LCN8: variants seen among roughly 807,000 people sequenced by gnomAD.
LCN8 encodes epididymal-specific lipocalin-8.
LCN8 carries 16 observed loss-of-function variants against 22.8 expected under a neutral mutation model. The ratio of observed to expected loss-of-function variants is 0.70; its 90% CI spans 0.47 to 1.06. The LOEUF is 1.06. Among genes scored for constraint, LCN8 ranks in the 50% least tolerant of loss-of-function variants. LCN8 has a pLI of 0.00. For missense variants in LCN8, 189 were observed against 203.3 expected (o/e 0.93, Z 0.43); for synonymous variants, 92 against 83.4 (o/e 1.10, Z -0.56).
At chr9:136,756,801 C>A (rs1178083002) in intron 2 of LCN8, among the ~76,000 whole-genome samples, 1 of 152,238 alleles carries the variant, frequency 6.6e-6, no homozygotes, top group African/African-American at 2.4e-5. Flanking sequence ...GTCCCACACC[C>A]CTTTTCCTTC....
At chr9:136,756,431 G>C (rs1847202038) in intron 3 of LCN8, 91 bp downstream of exon 3, 1 of 1,611,350 alleles carries the variant, frequency 6.2e-7, no homozygotes, top group Non-Finnish European at 8.5e-7. Context: ...AACAGCATGG[G>C]GAACAGTGCA....
intron 1 of LCN8, chr9:136,757,614 T>C (rs757670268): frequency 1.4e-5 from 20 of 1,408,050 alleles, no homozygotes; most frequent in Non-Finnish European, 1.8e-5. Context: ...ATGGGCCTCC[T>C]GCCCTCAGCA....
upstream of LCN8, chr9:136,758,326 C>G (rs2131094166): frequency 1.8e-6 from 2 of 1,114,710 alleles, no homozygotes; most frequent in Middle Eastern, 5.9e-4. Context: ...CCACATGACA[C>G]TTGTTTTTTT....
chr9:136,754,945 T>C (rs1202454120), intron 6 of LCN8, 190 bp downstream of exon 6: 1 of 1,394,066 alleles, frequency 7.2e-7, no homozygotes, highest in East Asian at 2.6e-5. Flanking sequence ...TTCCAGCTCT[T>C]TCCAAACCAG....
intron 1 of LCN8, 72 bp downstream of exon 1, chr9:136,757,835 G>A (rs1847246451): frequency 6.2e-7 from 1 of 1,612,776 alleles, no homozygotes; most frequent in African/African-American, 1.3e-5. Context: ...CACACCGGGA[G>A]AGGCCTCCTT....
At position 136,758,150 on chromosome 9, in the gene LCN8, C is replaced by T; in HGVS notation, c.-220G>A. The T allele has an allele frequency of 7.0e-7, 1 of 1,438,722 alleles. No individual in the cohort carries two copies. Among genetic ancestry groups the T allele is most frequent in the Non-Finnish European group, 9.1e-7 (1 of 1,096,530 alleles). 89.1% of individuals were successfully genotyped at this position (1,438,722 alleles called of 1,614,324 possible). Reference sequence around the variant, plus strand: ...TGGGTTTCTGCACAAGCGCCATCGGCCCTGGTGACACCCACGCCCACCGCA... The same window carrying T: ...TGGGTTTCTGCACAAGCGCCATCGGTCCTGGTGACACCCACGCCCACCGCA... On this transcript the variant is annotated 5_prime_UTR_variant, in exon 1 of 7. Transcript: ENST00000371688.
chr9:136,757,745 A>G, intron 1 of LCN8, 162 bp downstream of exon 1: 2 of 985,454 alleles, frequency 2.0e-6, no homozygotes, highest in Non-Finnish European at 2.4e-6. Flanking sequence ...CTGGCCCAGC[A>G]GCCGGCACAG....
At chr9:136,756,276 GA>G in intron 3 of LCN8, 1 of 1,479,816 alleles carries the variant, frequency 6.8e-7, no homozygotes, top group South Asian at 1.2e-5. Flanking sequence ...AAAGTGCAGG[GA>G]ACAGCATGGG....
intron 3 of LCN8, chr9:136,756,042 G>T: frequency 7.7e-7 from 1 of 1,299,104 alleles, no homozygotes. Flanking sequence ...ATGGGGAACA[G>T]TGCAGGGAGC....
intron 2 of LCN8, 152 bp downstream of exon 2, chr9:136,756,886 G>T: frequency 1.1e-6 from 1 of 917,398 alleles, no homozygotes; most frequent in Non-Finnish European, 1.6e-6. Flanking sequence ...GAGCCTGGGG[G>T]TCGAGGGCTC....
chr9:136,755,718 C>G, intron 3 of LCN8: 1 of 1,520,286 alleles, frequency 6.6e-7, no homozygotes, highest in Non-Finnish European at 8.8e-7. Flanking sequence ...GTGCAGGGAA[C>G]AGCATGGGGA....
chr9:136,754,700 G>A, intron 6 of LCN8, 191 bp from the exon 7 acceptor site: 3 of 1,412,350 alleles, frequency 2.1e-6, no homozygotes, highest in Non-Finnish European at 1.8e-6. Context: ...GACAAAGCGA[G>A]GTGAGGGAGA....
chr9:136,754,723 G>C, intron 6 of LCN8: 1 of 1,406,350 alleles, frequency 7.1e-7, no homozygotes. Flanking sequence ...CTGGGTTCTC[G>C]CAGTGCCCAA....
chr9:136,756,616 C>A, intron 2 of LCN8, 24 bp from the exon 3 acceptor site: 12 of 1,611,304 alleles, frequency 7.4e-6, no homozygotes, highest in Non-Finnish European at 1.0e-5. Flanking sequence ...AAGTGCCCAT[C>A]GGTAAAATGC....
chr9:136,755,770 G>T, intron 3 of LCN8: 1 of 1,493,518 alleles, frequency 6.7e-7, no homozygotes, highest in Non-Finnish European at 8.9e-7. Flanking sequence ...GGGGAACGGT[G>T]CAGGAAACAG....
chr9:136,756,604 C>T lies in LCN8; in HGVS notation c.156-12G>A. On this transcript the variant is annotated splice_polypyrimidine_tract_variant and intron_variant, in intron 2 of 6. Transcript: ENST00000371688. Reference sequence around the variant, plus strand: ...CACAGCTTCCTGAGCTGAAAGGCAGCAAAGTGCCCATCGGTAAAATGCTAG... The same window carrying T: ...CACAGCTTCCTGAGCTGAAAGGCAGTAAAGTGCCCATCGGTAAAATGCTAG... The T allele has an allele frequency of 1.2e-6, 2 of 1,612,510 alleles. No individual in the cohort carries two copies. Among genetic ancestry groups the T allele is most frequent in the South Asian group, 1.1e-5 (1 of 91,066 alleles).
chr9:136,756,200 GCAGGGAACAGCATGGGGAACAGTGCA>G (rs1847191996), intron 3 of LCN8: 11 of 1,317,978 alleles, frequency 8.3e-6, no homozygotes, highest in South Asian at 1.3e-5. Flanking sequence ...GGGGAACAGC[GCAGGGAACAGCATGGGGAACAGTGCA>G]GGGAACAGTG....
intron 2 of LCN8, 89 bp downstream of exon 2, chr9:136,756,949 A>G: frequency 6.1e-6 from 9 of 1,469,548 alleles, no homozygotes; most frequent in South Asian, 5.0e-5. Context: ...CACTCAGCCC[A>G]GACCCCACGC....
At position 136,755,135 on chromosome 9, in the gene LCN8, C is replaced by T. The variant is rs1294571563; in HGVS notation, c.447G>A (p.Glu149=). 6.3e-7 allele frequency: 1 copy of T among 1,576,138 alleles called. No homozygotes were observed. The highest frequency in any genetic ancestry group is 1.8e-5 in the Admixed American group (1 of 55,834). The stretch of plus-strand genomic sequence containing the variant: ...GGCCAGGGTCGGGGGTCAGGCTCAC[C>T]TCCTTCAGGAGCTCGGCACACCGCC... ...RPGRCAELLK[E]ELI The change falls in exon 6 of 7, where the codon GAG becomes GAA. Residue 149 remains glutamate (E), a splice_region_variant and synonymous_variant. Coordinates refer to ENST00000371688, the MANE Select transcript of LCN8 (RefSeq NM_178469.4).
Sources: gnomAD v4.1 joint callset for allele counts (sites outside exome capture counted in the v4.1 genomes callset) on GRCh38, gnomAD v4.1.1 for gene constraint, MANE v1.5 for transcripts, NCBI Gene and HGNC (gene_info 2026-07-23, HGNC 2026-07-21) for gene names.